ECM2: variants seen among roughly 807,000 people sequenced by gnomAD.
ECM2 encodes extracellular matrix protein 2, also known as extracellular matrix protein 2, female organ and adipocyte specific.
Under a neutral mutation model 67.5 loss-of-function variants are expected in ECM2, and 57 were observed. That is an observed-to-expected ratio of 0.84 (90% CI 0.68 to 1.05). The LOEUF is 1.05. Ranked by LOEUF, ECM2 falls within the 50% of genes least tolerant of loss-of-function variation. The pLI is 0.00. For missense variants in ECM2, 741 were observed against 822.8 expected, an observed-to-expected ratio of 0.90 and a Z score of 1.22; for synonymous variants, 258 against 294.5, an observed-to-expected ratio of 0.88 and a Z score of 1.27.
At chr9:92,501,107 G>T in intron 8 of ECM2, 54 bp from the exon 9 acceptor site, 1 of 1,553,984 alleles carries the variant, frequency 6.4e-7, no homozygotes, top group Non-Finnish European at 8.8e-7. Flanking sequence ...GTGATCATCA[G>T]CTCTAAATTT....
the ECM2 span, among the ~76,000 whole-genome samples, chr9:92,557,455 A>G: frequency 7.2e-5 from 11 of 152,126 alleles, no homozygotes; most frequent in Non-Finnish European, 1.2e-4. Context: ...CAGGAACACC[A>G]ATTATTCTTA....
At chr9:92,535,741 G>GTA in intron 1 of ECM2, among the ~76,000 whole-genome samples, 192 bp downstream of exon 1, 1 of 151,862 alleles carries the variant, frequency 6.6e-6, no homozygotes, top group South Asian at 2.1e-4. Context: ...TTAATACTAA[G>GTA]TATACAAGGT....
intron 6 of ECM2, among the ~76,000 whole-genome samples, chr9:92,506,165 G>A (rs1846997823): frequency 6.6e-6 from 1 of 152,200 alleles, no homozygotes. Context: ...TTAATGCAAT[G>A]AATGATTTCT....
rs1848151284 is a variant in ECM2 at position 92,522,678 on chromosome 9, T to G, written c.189A>C (p.Pro63=). 1 of 1,614,160 alleles carries G rather than the reference T, an allele frequency of 6.2e-7. No homozygotes were observed. Residue 63 remains proline, a synonymous_variant, in exon 2 of 10, where the codon CCA becomes CCC. Transcript: ENST00000344604. ...LGIQQTTVFT[P]VARLPIVNFD... is the part of the protein sequence containing the mutation. The stretch of plus-strand genomic sequence containing the variant: ...AGTTAACAATAGGAAGTCTTGCTAC[T>G]GGTGTAAAAACTGTTGTTTGCTGAA...
Position 92,514,807 on chromosome 9 carries a change from A to G in ECM2, c.878T>C (p.Val293Ala). Reference sequence around the variant, plus strand: ...GGGCATTCGGAACATATCTCCTCTTACCGGGTCCTCCTCGTCCTCCTCATC... The same window carrying G: ...GGGCATTCGGAACATATCTCCTCTTGCCGGGTCCTCCTCGTCCTCCTCATC... ...EEDEEDEEDP[V>A]RGDMFRMPSR... The change falls in exon 4 of 10, where the codon GTA becomes GCA. Residue 293 changes from valine (V) to alanine (A), a missense_variant. Physicochemically the swap from Val to Ala is moderately conservative, Grantham distance 64. Coordinates refer to ENST00000344604, the MANE Select transcript of ECM2 (RefSeq NM_001393.4). 4 of 1,613,344 alleles carry G rather than the reference A, an allele frequency of 2.5e-6. No individual in the cohort carries two copies. Among genetic ancestry groups the G allele is most frequent in the Non-Finnish European group, 3.4e-6 (4 of 1,179,792 alleles).
Position 92,505,703 on chromosome 9 carries a change from A to G in ECM2, c.1307-13T>C, listed in dbSNP as rs759590639. On this transcript the variant is annotated splice_polypyrimidine_tract_variant and intron_variant, in intron 6 of 9. Coordinates refer to ENST00000344604, the MANE Select transcript of ECM2 (RefSeq NM_001393.4). The stretch of plus-strand genomic sequence containing the variant: ...AACTGATTTAAGTCTATAAAAAATA[A>G]AAGTATTAGAATATTAGGATAATTG... 6.5e-7 allele frequency: 1 copy of G among 1,549,198 alleles called. No homozygotes were observed. Among genetic ancestry groups the G allele is most frequent in the Admixed American group, 2.2e-5 (1 of 44,544 alleles).
intron 3 of ECM2, among the ~76,000 whole-genome samples, chr9:92,516,072 T>TCCCCCCCCCCCCCCC (rs76297691): frequency 7.2e-6 from 1 of 139,690 alleles, no homozygotes; most frequent in African/African-American, 2.6e-5. Flanking sequence ...TACTTTTTTT[T>TCCCCCCCCCCCCCCC]CCCCCCCCCG....
At chr9:92,494,187 G>A (rs546032272), downstream of ECM2, 139 of 1,581,944 alleles carry the variant, frequency 8.8e-5, 1 homozygote, top group South Asian at 1.1e-3. Flanking sequence ...TGAATGAATC[G>A]TTTAGTATCT....
At chr9:92,524,711 T>C (rs1848287343) in intron 1 of ECM2, among the ~76,000 whole-genome samples, 1 of 152,192 alleles carries the variant, frequency 6.6e-6, no homozygotes, top group South Asian at 2.1e-4. Flanking sequence ...ACCCCAGGGA[T>C]CATAAGAACC....
chr9:92,494,208 C>T, downstream of ECM2: 2 of 1,547,284 alleles, frequency 1.3e-6, no homozygotes, highest in Admixed American at 1.7e-5. Flanking sequence ...GTCTCTGTGT[C>T]ATCCCAAGAT....
At chr9:92,546,863 T>C in the ECM2 span, among the ~76,000 whole-genome samples, 12 of 152,182 alleles carry the variant, frequency 7.9e-5, no homozygotes, top group Admixed American at 2.0e-4. Flanking sequence ...ATTGAGGATA[T>C]TGAGTTCATA....
At chr9:92,555,463 A>G in the ECM2 span, among the ~76,000 whole-genome samples, 5 of 151,508 alleles carry the variant, frequency 3.3e-5, no homozygotes, top group Non-Finnish European at 7.4e-5. Flanking sequence ...TCCTGAACTC[A>G]GGTGATCCAC....
intron 1 of ECM2, among the ~76,000 whole-genome samples, chr9:92,524,697 T>C (rs1256646544): frequency 6.6e-6 from 1 of 152,184 alleles, no homozygotes; most frequent in Non-Finnish European, 1.5e-5. Flanking sequence ...GAGGAGAAAC[T>C]AAAACCCCAG....
intron 1 of ECM2, among the ~76,000 whole-genome samples, chr9:92,529,775 T>C (rs567708077): frequency 6.6e-6 from 1 of 152,236 alleles, no homozygotes; most frequent in South Asian, 2.1e-4. Context: ...ATGCAAGCTA[T>C]AAAAGAATAG....
chr9:92,546,636 T>C, the ECM2 span, among the ~76,000 whole-genome samples: 2 of 151,970 alleles, frequency 1.3e-5, no homozygotes, highest in Admixed American at 1.3e-4. Context: ...AGGAACAAAC[T>C]CTGGACACGC....
At chr9:92,501,757 T>C (rs185078881) in intron 8 of ECM2, among the ~76,000 whole-genome samples, 219 of 152,328 alleles carry the variant, frequency 1.4e-3, no homozygotes, top group African/African-American at 4.8e-3. Flanking sequence ...TGCTTCTGAA[T>C]GACACGTGTC....
At position 92,496,010 on chromosome 9, in the gene ECM2, G is replaced by A. The variant is rs1205563950; in HGVS notation, c.*305C>T. The A allele has an allele frequency of 1.0e-5, 10 of 1,004,122 alleles. No homozygotes were observed. The highest frequency in any genetic ancestry group is 1.2e-5 in the Non-Finnish European group (10 of 843,010). The allele number at this position is 1,004,122 out of a possible 1,614,324, so 62.2% of individuals were successfully genotyped here. A position where few individuals can be genotyped will look rare whatever the true frequency, so the allele number is the denominator to read the frequency against. On this transcript the variant is annotated 3_prime_UTR_variant, in exon 10 of 10. Coordinates refer to ENST00000344604, the MANE Select transcript of ECM2 (RefSeq NM_001393.4). Reference sequence around the variant, plus strand: ...CACCAGTATTCAAGTTGATTATAAAGGCTGTGTTTATTTTGTTCCAGACTC... The same window carrying A: ...CACCAGTATTCAAGTTGATTATAAAAGCTGTGTTTATTTTGTTCCAGACTC...
In ECM2 at chr9:92,495,637, G is replaced by A. The variant is rs1236831089; in HGVS notation, c.*678C>T. On this transcript the variant is annotated 3_prime_UTR_variant, in exon 10 of 10. Transcript: ENST00000344604. ...AAAATAATTTTAGAATTATAGAAAA[G>A]TTTCAAAAAGAGTATAGAATTTATG... The A allele has an allele frequency of 7.5e-6, 7 of 934,522 alleles. No homozygotes were observed. The East Asian group carries it at 8.2e-4, about 109-fold the overall frequency. 57.9% of individuals were successfully genotyped at this position (934,522 alleles called of 1,614,324 possible).
At position 92,500,425 on chromosome 9, in the gene ECM2, C is replaced by T. The variant is rs549766117; in HGVS notation, c.1931+302G>A. On this transcript the variant is annotated intron_variant, in intron 9 of 9. Coordinates refer to ENST00000344604, the MANE Select transcript of ECM2 (RefSeq NM_001393.4). ...CTCAGACTCTTGAACTCAGGTGATC[C>T]GCCCGCCTTGGCGTCCCAAAGTGCT... Among the ~76,000 whole-genome samples, 334 of 152,308 alleles carry T rather than the reference C, an allele frequency of 2.2e-3. 1 individual carries two copies. The highest frequency in any genetic ancestry group is 3.9e-3 in the Non-Finnish European group (264 of 68,016).
Sources: allele counts gnomAD v4.1 joint callset (sites outside exome capture counted in the v4.1 genomes callset), GRCh38; gene constraint gnomAD v4.1.1; transcripts MANE v1.5; gene names NCBI Gene and HGNC (gene_info 2026-07-23, HGNC 2026-07-21).